Variants in RMST observed in about 807,000 individuals in gnomAD.
The protein encoded by RMST is long intergenic non-protein coding RNA 54.
chr12:97,559,245 A>G (rs1883938143), intron 11 of RMST, among the ~76,000 whole-genome samples: 2 of 152,122 alleles, frequency 1.3e-5, no homozygotes, highest in South Asian at 4.1e-4. Context: ...AATAAACTCA[A>G]AATTGTATAA....
intron 9 of RMST, among the ~76,000 whole-genome samples, chr12:97,495,177 G>GA (rs1555230753): frequency 5.5e-5 from 1 of 18,044 alleles, no homozygotes; most frequent in Non-Finnish European, 1.6e-4. Flanking sequence ...TTATTCTTAT[G>GA]GGGGGGGAGC....
At chr12:97,530,251 G>A (rs1185908806) in intron 10 of RMST, 1 of 152,018 alleles carries the variant, frequency 6.6e-6, no homozygotes, top group African/African-American at 2.4e-5. Context: ...CTAATATCCT[G>A]TAGCCTTAAC....
chr12:97,479,754 C>T (rs1243781142), intron 5 of RMST, among the ~76,000 whole-genome samples: 1 of 152,166 alleles, frequency 6.6e-6, no homozygotes, highest in Non-Finnish European at 1.5e-5. Flanking sequence ...CACTTTTCCT[C>T]AGTACTTTCA....
intron 5 of RMST, among the ~76,000 whole-genome samples, chr12:97,481,625 T>C (rs1875295639): frequency 6.6e-6 from 1 of 152,192 alleles, no homozygotes; most frequent in African/African-American, 2.4e-5. Flanking sequence ...GGTTTATTTT[T>C]TGTTAATGAA....
chr12:97,510,347 T>C (rs1879145790), intron 10 of RMST, among the ~76,000 whole-genome samples: 1 of 152,124 alleles, frequency 6.6e-6, no homozygotes, highest in Non-Finnish European at 1.5e-5. Context: ...GAAAATAAGA[T>C]CTTTGGTTTT....
intron 11 of RMST, among the ~76,000 whole-genome samples, chr12:97,534,124 G>A (rs1183356523): frequency 2.0e-5 from 3 of 151,768 alleles, no homozygotes; most frequent in Non-Finnish European, 4.4e-5. Flanking sequence ...TGGGACAAGT[G>A]TTCAACCATA....
At chr12:97,463,125 T>A (rs916407609) in intron 3 of RMST, 2 of 149,274 alleles carry the variant, frequency 1.3e-5, no homozygotes, top group Non-Finnish European at 3.0e-5. Flanking sequence ...AATCCTCTCT[T>A]TCTCTTTCTC....
chr12:97,479,109 A>G (rs1296092618), intron 5 of RMST, among the ~76,000 whole-genome samples: 1 of 116,896 alleles, frequency 8.6e-6, no homozygotes, highest in Non-Finnish European at 1.8e-5. Flanking sequence ...GTGTATCTGT[A>G]CTTTGGGTGT....
intron 11 of RMST, among the ~76,000 whole-genome samples, chr12:97,543,158 C>A (rs150418263): frequency 6.6e-6 from 1 of 152,124 alleles, no homozygotes; most frequent in Non-Finnish European, 1.5e-5. Context: ...TGCTCATATG[C>A]TGGATTATTT....
At chr12:97,517,967 C>T (rs1880108659) in intron 10 of RMST, among the ~76,000 whole-genome samples, 1 of 152,072 alleles carries the variant, frequency 6.6e-6, no homozygotes, top group South Asian at 2.1e-4. Context: ...TTCACCAGCA[C>T]TGAATATTAC....
intron 11 of RMST, among the ~76,000 whole-genome samples, chr12:97,553,128 C>T (rs560984428): frequency 6.6e-6 from 1 of 152,262 alleles, no homozygotes; most frequent in East Asian, 1.9e-4. Context: ...GTATTTGGCA[C>T]ATTTTGTTAA....
intron 11 of RMST, among the ~76,000 whole-genome samples, chr12:97,543,818 T>A (rs1462926609): frequency 1.3e-5 from 2 of 152,030 alleles, no homozygotes. Context: ...CTCATGTTGT[T>A]AAAATGTGGC....
At chr12:97,492,121 AG>A in intron 5 of RMST, 1 of 354,226 alleles carries the variant, frequency 2.8e-6, no homozygotes, top group Non-Finnish European at 6.0e-6. Flanking sequence ...AGTACTGTGA[AG>A]AATTCAGTAA....
intron 11 of RMST, chr12:97,551,764 T>G (rs944728557): frequency 6.6e-6 from 1 of 152,208 alleles, no homozygotes; most frequent in African/African-American, 2.4e-5. Flanking sequence ...TCATATCTCA[T>G]AAAAACTTTC....
At chr12:97,536,309 A>G (rs1882071300) in intron 11 of RMST, among the ~76,000 whole-genome samples, 1 of 93,300 alleles carries the variant, frequency 1.1e-5, no homozygotes, top group African/African-American at 8.5e-5. Context: ...AAATAATTGA[A>G]AAAAAAACTT....
At position 97,511,187 on chromosome 12, in the gene RMST, C is replaced by T. The variant is rs1159689314; in HGVS notation, n.1340+15131C>T. ...TTTTTGAGATGGCGTCTCGCTCTGT[C>T]GCCCAGGCTGGAGTGCACTGGCACA... On this transcript the variant is annotated intron_variant and non_coding_transcript_variant, in intron 10 of 13. Coordinates refer to ENST00000640149, the Ensembl canonical transcript of RMST. Among the ~76,000 whole-genome samples, 9 of 149,340 alleles carry T rather than the reference C, an allele frequency of 6.0e-5. 1 individual carries two copies. Among genetic ancestry groups the T allele is most frequent in the Admixed American group, 4.7e-4 (7 of 14,936 alleles).
chr12:97,534,547 G>C (rs1881915219), intron 11 of RMST, among the ~76,000 whole-genome samples: 1 of 151,642 alleles, frequency 6.6e-6, no homozygotes, highest in Admixed American at 6.6e-5. Flanking sequence ...GGGTTTGGAA[G>C]GTGAAATTCA....
At chr12:97,545,140 C>CA (rs1814157692) in intron 11 of RMST, among the ~76,000 whole-genome samples, 1 of 152,056 alleles carries the variant, frequency 6.6e-6, no homozygotes, top group South Asian at 2.1e-4. Flanking sequence ...TCTCTCTAGT[C>CA]AATTTCCTCA....
intron 10 of RMST, among the ~76,000 whole-genome samples, chr12:97,497,313 C>G (rs1877538595): frequency 6.6e-6 from 1 of 152,212 alleles, no homozygotes. Context: ...AGTAATTAGA[C>G]AAATTCTGTA....
Sources: allele counts gnomAD v4.1 joint callset (sites outside exome capture counted in the v4.1 genomes callset), GRCh38; gene constraint gnomAD v4.1.1; transcripts MANE v1.5; gene names NCBI Gene and HGNC (gene_info 2026-07-23, HGNC 2026-07-21).